FH: variants seen among roughly 807,000 people sequenced by gnomAD.
The protein encoded by FH is fumarate hydratase, also known as fumarate hydratase, mitochondrial.
FH carries 22 observed loss-of-function variants against 49.4 expected under a neutral mutation model. That is an observed-to-expected ratio of 0.45 (90% CI 0.32 to 0.64). The LOEUF is 0.64. FH is among the 30% of genes least tolerant of loss of function. The pLI, the probability that FH is intolerant of heterozygous loss-of-function variation, is 0.05. For missense variants in FH, 526 were observed against 641.5 expected (o/e 0.82, Z 1.95); for synonymous variants, 208 against 223.0 (o/e 0.93, Z 0.60).
At chr1:241,519,421 G>A in intron 1 of FH, 170 bp downstream of exon 1, 1 of 742,124 alleles carries the variant, frequency 1.3e-6, no homozygotes, top group Non-Finnish European at 2.0e-6. Context: ...GCCGGAAGAG[G>A]CGTCCCGAGG....
At chr1:241,515,067 A>G (rs1660181664) in intron 2 of FH, among the ~76,000 whole-genome samples, 1 of 152,236 alleles carries the variant, frequency 6.6e-6, no homozygotes. Context: ...GAGAGAAAAG[A>G]CAGGTCACTT....
At chr1:241,511,586 G>C (rs183168146) in intron 4 of FH, among the ~76,000 whole-genome samples, 306 of 152,056 alleles carry the variant, frequency 2.0e-3, no homozygotes, top group African/African-American at 6.5e-3. Context: ...GTTTAGCTAA[G>C]AGTACTGTAT....
intron 1 of FH, among the ~76,000 whole-genome samples, chr1:241,517,755 A>C (rs1417337073): frequency 6.6e-6 from 1 of 152,094 alleles, no homozygotes; most frequent in African/African-American, 2.4e-5. Flanking sequence ...TATATTACAT[A>C]TGTATATTCA....
At position 241,508,682 on chromosome 1, in the gene FH, G is replaced by A. The variant is rs758678272; in HGVS notation, c.659C>T (p.Ala220Val). ...GLQKLHDALD[A>V]KSKEFAQIIK... ...GATCTGTGCAAACTCTTTGGATTTT[G>A]CATCAAGAGCATCATGTAACTTCTG... The change falls in exon 5 of 10, where the codon GCA becomes GTA. Residue 220 changes from alanine to valine, a missense_variant. Coordinates refer to ENST00000366560, the MANE Select transcript of FH (RefSeq NM_000143.4). 8.1e-6 allele frequency: 13 copies of A among 1,613,342 alleles called. No individual in the cohort carries two copies. The highest frequency in any genetic ancestry group is 1.1e-5 in the Non-Finnish European group (13 of 1,179,330).
At chr1:241,513,794 T>C in intron 2 of FH, 81 bp from the exon 3 acceptor site, 2 of 1,078,084 alleles carry the variant, frequency 1.9e-6, no homozygotes, top group Non-Finnish European at 1.4e-6. Flanking sequence ...ATGCAAAAGC[T>C]ATACATAAAA....
intron 5 of FH, among the ~76,000 whole-genome samples, chr1:241,507,965 C>T (rs979610753): frequency 1.3e-5 from 2 of 152,092 alleles, no homozygotes; most frequent in Non-Finnish European, 2.9e-5. Context: ...TTAGATATTC[C>T]TTAAGGCATT....
intron 5 of FH, 87 bp downstream of exon 5, chr1:241,508,515 GC>G (rs1558399242): frequency 1.7e-6 from 2 of 1,160,122 alleles, no homozygotes; most frequent in Non-Finnish European, 2.6e-6. Context: ...TACAAATTTG[GC>G]CTTTTAAGCT....
chr1:241,519,742 T>C lies in FH; in HGVS notation c.-20A>G, dbSNP rs1464999759. The C allele has an allele frequency of 5.9e-6, 9 of 1,520,834 alleles. No individual in the cohort carries two copies. In the African/African-American group the frequency reaches 1.1e-4, roughly 19 times the overall value. 94.2% of individuals were successfully genotyped at this position (1,520,834 alleles called of 1,614,324 possible). A position where few individuals can be genotyped will look rare whatever the true frequency, so the allele number is the denominator to read the frequency against. On this transcript the variant is annotated 5_prime_UTR_variant, in exon 1 of 10. Transcript: ENST00000366560. Reference sequence around the variant, plus strand: ...GTACATGGTGCTGAGGGAGCTTGGGTAGAATTTCTGGGCGGCTGTGGCCAC... The same window carrying C: ...GTACATGGTGCTGAGGGAGCTTGGGCAGAATTTCTGGGCGGCTGTGGCCAC...
chr1:241,517,647 C>T (rs371606018), intron 1 of FH, among the ~76,000 whole-genome samples: 14 of 152,022 alleles, frequency 9.2e-5, no homozygotes, highest in African/African-American at 3.4e-4. Flanking sequence ...ATTCAATGTA[C>T]TTAGTTTAAT....
intron 5 of FH, among the ~76,000 whole-genome samples, chr1:241,508,136 C>T (rs920057229): frequency 2.0e-5 from 3 of 152,022 alleles, no homozygotes; most frequent in Non-Finnish European, 4.4e-5. Context: ...AAAAGAAAAA[C>T]CATGATGATA....
intron 9 of FH, among the ~76,000 whole-genome samples, chr1:241,500,053 A>G (rs1659731567): frequency 6.6e-6 from 1 of 152,286 alleles, no homozygotes; most frequent in Non-Finnish European, 1.5e-5. Context: ...TAGGGAAGGT[A>G]GAAAAATGAG....
chr1:241,514,924 G>A (rs1038233789), intron 2 of FH, among the ~76,000 whole-genome samples: 4 of 152,114 alleles, frequency 2.6e-5, no homozygotes, highest in South Asian at 2.1e-4. Context: ...GGGCAAAGGT[G>A]AATGCCAATC....
chr1:241,510,751 T>C (rs1343072512), intron 4 of FH, among the ~76,000 whole-genome samples: 1 of 152,212 alleles, frequency 6.6e-6, no homozygotes, highest in East Asian at 1.9e-4. Context: ...AACTTTTTGA[T>C]ACTCCTCCCT....
Position 241,513,590 on chromosome 1 carries a change from T to C in FH, c.378+13A>G. On this transcript the variant is annotated intron_variant, in intron 3 of 9. Transcript: ENST00000366560. ...TCTGAGGTTATTAAGCAAACACACT[T>C]ATCACCTCCTACCTCATCTGCTGCC... The C allele has an allele frequency of 6.3e-7, 1 of 1,585,926 alleles. No individual in the cohort carries two copies. The highest frequency in any genetic ancestry group is 1.1e-5 in the South Asian group (1 of 90,520).
chr1:241,500,140 T>C (rs530199621), intron 9 of FH, among the ~76,000 whole-genome samples: 2 of 152,278 alleles, frequency 1.3e-5, no homozygotes, highest in African/African-American at 4.8e-5. Flanking sequence ...CCTTCCCCAA[T>C]GGTCTGCATA....
In FH at chr1:241,505,923, C is replaced by T; in HGVS notation, c.904+80G>A. ...TTCTAACTTTAAATTCACAAGAATT[C>T]AAGACAGGAACACTCAGAAAATGTA... On this transcript the variant is annotated intron_variant, in intron 6 of 9. Transcript: ENST00000366560. 4 of 1,292,876 alleles carry T rather than the reference C, an allele frequency of 3.1e-6. No individual in the cohort carries two copies. In the Middle Eastern group the frequency reaches 7.3e-4, roughly 237 times the overall value. 80.1% of individuals were successfully genotyped at this position (1,292,876 alleles called of 1,614,324 possible). A position where few individuals can be genotyped will look rare whatever the true frequency, so the allele number is the denominator to read the frequency against.
At chr1:241,500,343 G>T in intron 9 of FH, 94 bp downstream of exon 9, 1 of 1,189,500 alleles carries the variant, frequency 8.4e-7, no homozygotes, top group Non-Finnish European at 1.2e-6. Context: ...AAAGAAATTT[G>T]CTGTTCTCAA....
At chr1:241,508,533 A>G in intron 5 of FH, 70 bp downstream of exon 5, 6 of 1,399,596 alleles carry the variant, frequency 4.3e-6, no homozygotes, top group Non-Finnish European at 6.1e-6. Flanking sequence ...AGCTAGTCAG[A>G]TTTCAAGGAT....
At chr1:241,502,830 A>AT (rs1378395394) in intron 7 of FH, among the ~76,000 whole-genome samples, 2 of 152,206 alleles carry the variant, frequency 1.3e-5, no homozygotes, top group East Asian at 3.8e-4. Flanking sequence ...TTCTATACAT[A>AT]TTTATGGAGC....
Sources: gnomAD v4.1 joint callset for allele counts (sites outside exome capture counted in the v4.1 genomes callset) on GRCh38, gnomAD v4.1.1 for gene constraint, MANE v1.5 for transcripts, NCBI Gene and HGNC (gene_info 2026-07-23, HGNC 2026-07-21) for gene names.